Variants in NEK8 observed in about 807,000 individuals in gnomAD.
NEK8 encodes the protein NIMA related kinase 8.
A neutral mutation model predicts 77.2 loss-of-function variants in NEK8; 51 were observed. That is an observed-to-expected ratio of 0.66 (90% CI 0.53 to 0.83). The LOEUF (loss-of-function observed/expected upper bound fraction) is 0.83. NEK8 is among the 40% of genes least tolerant of loss of function. NEK8 has a pLI of 0.00. For synonymous variants in NEK8, 365 were observed against 363.2 expected (o/e 1.00, Z -0.06); for missense variants, 787 against 909.2 (o/e 0.87, Z 1.73).
Position 28,737,850 on chromosome 17 carries a change from C to A in NEK8, c.921C>A (p.Ile307=). 6.2e-7 allele frequency: 1 copy of A among 1,613,956 alleles called. No homozygotes were observed. Among genetic ancestry groups the A allele is most frequent in the South Asian group, 1.1e-5 (1 of 91,084 alleles). ...GIPRGPVRPA[I]PPPLSSVYAW... ...CCCGGGGACCTGTGAGGCCAGCCAT[C>A]CCACCACCACTGTCGTCAGTGTATG... Residue 307 remains isoleucine (I), a synonymous_variant, in exon 7 of 15, where the codon ATC becomes ATA. Transcript: ENST00000268766. The surrounding 1 kb of genome is among the most constrained non-coding windows in gnomAD (Gnocchi z 4.8).
chr17:28,735,453 T>G, intron 4 of NEK8, 82 bp downstream of exon 4: 2 of 1,477,900 alleles, frequency 1.4e-6, no homozygotes, highest in Non-Finnish European at 1.8e-6. Flanking sequence ...ACCTCAGGTT[T>G]CTCCTCTAGC....
intron 2 of NEK8, chr17:28,734,456 A>T (rs1215369034): frequency 1.8e-6 from 1 of 568,700 alleles, no homozygotes; most frequent in Non-Finnish European, 3.1e-6. Context: ...CGGGCGGATC[A>T]TGAGGTCAGG....
chr17:28,742,105 A>C lies in NEK8; in HGVS notation c.*118A>C, dbSNP rs1482079105. 1.9e-6 allele frequency: 2 copies of C among 1,063,814 alleles called. No homozygotes were observed. The highest frequency in any genetic ancestry group is 2.9e-6 in the Non-Finnish European group (2 of 679,304). 65.9% of individuals were successfully genotyped at this position (1,063,814 alleles called of 1,614,324 possible). ...CTCCTGGATTGTGTCATCATGGGGT[A>C]TCAGGGCTGGCAAAACCCCTGCTCT... is the stretch of plus-strand genomic sequence containing the variant. On this transcript the variant is annotated 3_prime_UTR_variant, in exon 15 of 15. Coordinates refer to ENST00000268766, the MANE Select transcript of NEK8 (RefSeq NM_178170.3).
rs1214048313 is a variant in NEK8 at position 28,741,237 on chromosome 17, G to A, written c.1891+1G>A. 2 of 1,605,468 alleles carry A rather than the reference G, an allele frequency of 1.2e-6. No homozygotes were observed. The highest frequency in any genetic ancestry group is 1.1e-5 in the South Asian group (1 of 89,794). On this transcript the variant is annotated splice_donor_variant, in intron 13 of 14. Transcript: ENST00000268766. LOFTEE classifies it high-confidence loss of function. The surrounding 1 kb of genome is among the most constrained non-coding windows in gnomAD (Gnocchi z 4.5). ...GCCTTCACTGTAGCTATTGGGGCAGGTGAGGACTGAGCATGGTGGGGGCAG... is the reference window on the plus strand; with the variant it reads ...GCCTTCACTGTAGCTATTGGGGCAGATGAGGACTGAGCATGGTGGGGGCAG...
At chr17:28,735,824 G>A (rs1408151253) in intron 4 of NEK8, among the ~76,000 whole-genome samples, 4 of 151,876 alleles carry the variant, frequency 2.6e-5, no homozygotes, top group South Asian at 2.1e-4. Flanking sequence ...TGTACACAAC[G>A]TGCAGGTTTG....
chr17:28,738,800 C>A, intron 9 of NEK8, 53 bp downstream of exon 9: 1 of 1,429,186 alleles, frequency 7.0e-7, no homozygotes, highest in East Asian at 2.3e-5. Flanking sequence ...GCGGGGAGCC[C>A]ACATCTGTGA....
intron 1 of NEK8, among the ~76,000 whole-genome samples, chr17:28,729,538 T>A (rs2034286139): frequency 7.4e-6 from 1 of 134,856 alleles, no homozygotes; most frequent in Non-Finnish European, 1.7e-5. Context: ...TTGGATTTTT[T>A]TTTTTTTTTT....
At position 28,741,077 on chromosome 17, in the gene NEK8, G is replaced by A; in HGVS notation, c.1733-1G>A. ...ACCCCTTTCCTTCCTCTCCCCCATAGCCTCGGGTGATTGCTACACTTTTGG... is the reference window on the plus strand; with the variant it reads ...ACCCCTTTCCTTCCTCTCCCCCATAACCTCGGGTGATTGCTACACTTTTGG... On this transcript the variant is annotated splice_acceptor_variant, in intron 12 of 14. Transcript: ENST00000268766. LOFTEE classifies it high-confidence loss of function. The surrounding 1 kb of genome is among the most constrained non-coding windows in gnomAD (Gnocchi z 4.5). 1 of 1,614,188 alleles carries A rather than the reference G, an allele frequency of 6.2e-7. No homozygotes were observed. Among genetic ancestry groups the A allele is most frequent in the Non-Finnish European group, 8.5e-7 (1 of 1,180,030 alleles).
In NEK8 at chr17:28,734,966, A is replaced by C; in HGVS notation, c.448A>C (p.Ile150Leu). The C allele has an allele frequency of 1.2e-6, 2 of 1,613,314 alleles. No individual in the cohort carries two copies. The highest frequency in any genetic ancestry group is 2.2e-5 in the East Asian group (1 of 44,860). The change falls in exon 3 of 15, where the codon ATC (isoleucine) becomes CTC (leucine). Residue 150 changes from isoleucine to leucine, a missense_variant. Around this residue, in one of 2 missense-constraint regions of NEK8, gnomAD observed 271 missense variants for 365.1 expected, o/e 0.74. Transcript: ENST00000268766. ...GGTCGTCAAGATCGGTGATTTCGGC[A>C]TCTCCAAGATCCTTAGCAGCAAGAG... is the stretch of plus-strand genomic sequence containing the variant. ...RMVVKIGDFG[I>L]SKILSSKSKA...
At chr17:28,733,962 C>A (rs200648580) in intron 1 of NEK8, 21 bp from the exon 2 acceptor site, 158 of 1,610,248 alleles carry the variant, frequency 9.8e-5, no homozygotes, top group Non-Finnish European at 1.3e-4. Flanking sequence ...GGTAACCTGT[C>A]CCTGTCCTCC....
rs2034352076 is a variant in NEK8 at position 28,735,230 on chromosome 17, T to C, written c.487-10T>C. ...CCTGCAGGGCTGTGATCCCAGCTTC[T>C]ATCCTGCAGGTGGTGGGTACCCCAT... On this transcript the variant is annotated splice_polypyrimidine_tract_variant and intron_variant, in intron 3 of 14. Coordinates refer to ENST00000268766, the MANE Select transcript of NEK8 (RefSeq NM_178170.3). 3 of 1,613,896 alleles carry C rather than the reference T, an allele frequency of 1.9e-6. No homozygotes were observed. The highest frequency in any genetic ancestry group is 2.5e-6 in the Non-Finnish European group (3 of 1,179,976).
chr17:28,741,818 C>T lies in NEK8; in HGVS notation c.2051-141C>T. 1 of 982,366 alleles carries T rather than the reference C, an allele frequency of 1.0e-6. No individual in the cohort carries two copies. The highest frequency in any genetic ancestry group is 1.6e-6 in the Non-Finnish European group (1 of 614,312). 60.9% of individuals were successfully genotyped at this position (982,366 alleles called of 1,614,324 possible). A position where few individuals can be genotyped will look rare whatever the true frequency, so the allele number is the denominator to read the frequency against. On this transcript the variant is annotated intron_variant, in intron 14 of 14. Transcript: ENST00000268766. This position sits in a 1 kb window ranked among gnomAD's most constrained non-coding sequence, Gnocchi z 4.5. ...CTCACATGCATTCTTTCTCCTACTG[C>T]TGAGTCCCGTTGATGCTGAAACTCT...
Position 28,737,482 on chromosome 17 carries a change from C to G in NEK8, c.795C>G (p.Leu265=), listed in dbSNP as rs766273600. ...TCTGCATCCGTGCCCTCCTCAACCT[C>G]CACACCGACGTGGGCAGTGTCCGCA... is the stretch of plus-strand genomic sequence containing the variant. ...QPLCIRALLN[L]HTDVGSVRMR... is the part of the protein sequence containing the mutation. Residue 265 remains leucine (L), a synonymous_variant, in exon 5 of 15, where the codon CTC becomes CTG. Coordinates refer to ENST00000268766, the MANE Select transcript of NEK8 (RefSeq NM_178170.3). This position sits in a 1 kb window ranked among gnomAD's most constrained non-coding sequence, Gnocchi z 4.8. 4 of 1,613,020 alleles carry G rather than the reference C, an allele frequency of 2.5e-6. No homozygotes were observed. Among genetic ancestry groups the G allele is most frequent in the Non-Finnish European group, 3.4e-6 (4 of 1,180,014 alleles).
intron 1 of NEK8, 79 bp downstream of exon 1, chr17:28,728,939 C>T (rs1300539899): frequency 7.9e-7 from 1 of 1,270,642 alleles, no homozygotes; most frequent in African/African-American, 1.5e-5. Flanking sequence ...AGTCGCCGCC[C>T]GCCTAATCCC....
chr17:28,738,750 G>T lies in NEK8; in HGVS notation c.1299+3G>T, dbSNP rs201629139. 1.5e-4 allele frequency: 246 copies of T among 1,611,718 alleles called. 3 individuals carry two copies. The African/African-American group carries it at 3.0e-3, about 20-fold the overall frequency. On this transcript the variant is annotated splice_donor_region_variant and intron_variant, in intron 9 of 14. Transcript: ENST00000268766. ...GCAGCCTCACTGACATCAGCCAGGTGGGTGTCACATATACCTTGGGAAGGG... is the reference window on the plus strand; with the variant it reads ...GCAGCCTCACTGACATCAGCCAGGTTGGTGTCACATATACCTTGGGAAGGG...
In NEK8 at chr17:28,734,955, G is replaced by A. The variant is rs770564532; in HGVS notation, c.437G>A (p.Gly146Asp). Residue 146 changes from glycine (G) to aspartate (D), a missense_variant, in exon 3 of 15, where the codon GGT becomes GAT. This residue lies in a region of NEK8 where 271 missense variants were observed against 365.1 expected (regional missense o/e 0.74). Transcript: ENST00000268766. The stretch of plus-strand genomic sequence containing the variant: ...AAACACCGCATGGTCGTCAAGATCG[G>A]TGATTTCGGCATCTCCAAGATCCTT... ...LDKHRMVVKI[G>D]DFGISKILSS... 1 of 1,613,328 alleles carries A rather than the reference G, an allele frequency of 6.2e-7. No individual in the cohort carries two copies. The highest frequency in any genetic ancestry group is 1.1e-5 in the South Asian group (1 of 91,072).
rs2151732872 is a variant in NEK8 at position 28,737,728 on chromosome 17, GCTGC to G, written c.882_885del (p.Cys295GlufsTer8). 3 of 1,614,106 alleles carry G rather than the reference GCTGC, an allele frequency of 1.9e-6. No individual in the cohort carries two copies. The highest frequency in any genetic ancestry group is 2.5e-6 in the Non-Finnish European group (3 of 1,180,004). On this transcript the variant is annotated frameshift_variant, in exon 6 of 15. Transcript: ENST00000268766. LOFTEE classifies it high-confidence loss of function. This position sits in a 1 kb window ranked among gnomAD's most constrained non-coding sequence, Gnocchi z 4.8. ...ACAGGGAGCAGGACCACCAGTGTCCGCTGCAGAGGTAAGTGGGAAGAGGCCGCCA... is the reference window on the plus strand; with the variant it reads ...ACAGGGAGCAGGACCACCAGTGTCCGAGAGGTAAGTGGGAAGAGGCCGCCA...
rs1597809362 is a variant in NEK8 at position 28,743,063 on chromosome 17, T to C, written c.*1076T>C. The C allele has an allele frequency of 1.9e-5, 2 of 106,524 alleles. No homozygotes were observed. Among genetic ancestry groups the C allele is most frequent in the African/African-American group, 4.0e-5 (1 of 24,856 alleles). 6.6% of individuals were successfully genotyped at this position (106,524 alleles called of 1,614,324 possible). ...ACTCCAGCCTGGATGACAGAGCAAG[T>C]CTCCCTCTCAAAAAAAAAAAAAAAA... is the stretch of plus-strand genomic sequence containing the variant. On this transcript the variant is annotated 3_prime_UTR_variant, in exon 15 of 15. Transcript: ENST00000268766.
rs1286396996 is a variant in NEK8 at position 28,741,777 on chromosome 17, C to T, written c.2051-182C>T. Among the ~76,000 whole-genome samples, 4 of 152,202 alleles carry T rather than the reference C, an allele frequency of 2.6e-5. No individual in the cohort carries two copies. The highest frequency in any genetic ancestry group is 9.7e-5 in the African/African-American group (4 of 41,444). ...CTTGGGCCTCATGGAAGGGCTGCCT[C>T]CACTGCTCCCCAGGGCTCACATGCA... is the stretch of plus-strand genomic sequence containing the variant. On this transcript the variant is annotated intron_variant, in intron 14 of 14. Transcript: ENST00000268766. This position sits in a 1 kb window ranked among gnomAD's most constrained non-coding sequence, Gnocchi z 4.5.
Sources: allele counts gnomAD v4.1 joint callset (sites outside exome capture counted in the v4.1 genomes callset), GRCh38; gene constraint gnomAD v4.1.1; regional missense constraint gnomAD v4.1.1; non-coding constraint Gnocchi (gnomAD v3.1); transcripts MANE v1.5; gene names NCBI Gene and HGNC (gene_info 2026-07-23, HGNC 2026-07-21).